TJP1: variants seen among roughly 807,000 people sequenced by gnomAD.
TJP1 encodes the protein tight junction protein ZO-1.
TJP1 carries 43 observed loss-of-function variants against 194.2 expected under a neutral mutation model. The observed-to-expected ratio is 0.22, with a 90% CI of 0.17 to 0.29. The LOEUF is 0.29. Among genes scored for constraint, TJP1 ranks in the 10% least tolerant of loss-of-function variants. TJP1 has a pLI of 1.00. For synonymous variants in TJP1, 801 were observed against 779.0 expected (o/e 1.03, Z -0.47); for missense variants, 1,971 against 2,185.7 (o/e 0.90, Z 1.96).
At chr15:29,748,953 TGC>T (rs935676407) in intron 8 of TJP1, among the ~76,000 whole-genome samples, 362 of 32,294 alleles carry the variant, frequency 0.011, 4 homozygotes, top group African/African-American at 0.022. Flanking sequence ...TGTGTGTGTG[TGC>T]GCGTGTGTGC....
intron 2 of TJP1, among the ~76,000 whole-genome samples, chr15:29,882,869 C>T (rs888022066): frequency 1.3e-5 from 2 of 152,160 alleles, no homozygotes; most frequent in Admixed American, 6.5e-5. Context: ...TTGGCCACAG[C>T]GATGGCTTCC....
At chr15:29,865,700 G>A (rs562553315) in intron 2 of TJP1, among the ~76,000 whole-genome samples, 76 of 152,196 alleles carry the variant, frequency 5.0e-4, no homozygotes, top group Non-Finnish European at 1.0e-3. Context: ...AGATGGACAT[G>A]CACCGAGCAA....
At chr15:29,819,038 G>C (rs1339264279) in intron 1 of TJP1, among the ~76,000 whole-genome samples, 1 of 152,134 alleles carries the variant, frequency 6.6e-6, no homozygotes, top group Admixed American at 6.5e-5. Flanking sequence ...GGCTGGCCTC[G>C]AACTCCTGAC....
chr15:29,941,155 T>G (rs759702182), intron 2 of TJP1, among the ~76,000 whole-genome samples: 5 of 152,210 alleles, frequency 3.3e-5, no homozygotes, highest in Non-Finnish European at 5.9e-5. Context: ...AATGACCTCC[T>G]ACGACCGCAG....
At chr15:29,949,595 A>C in intron 2 of TJP1, among the ~76,000 whole-genome samples, 1 of 83,318 alleles carries the variant, frequency 1.2e-5, no homozygotes, top group African/African-American at 4.2e-5. Flanking sequence ...CACCTCCACA[A>C]CCACCACCTC....
intron 1 of TJP1, chr15:29,820,463 G>A (rs2050253879): frequency 4.2e-6 from 3 of 712,444 alleles, no homozygotes; most frequent in African/African-American, 3.5e-5. Flanking sequence ...TATTTAACGA[G>A]TGATGCTTTT....
chr15:29,903,724 G>A (rs556473089), intron 2 of TJP1, among the ~76,000 whole-genome samples: 8 of 152,252 alleles, frequency 5.3e-5, no homozygotes, highest in African/African-American at 4.8e-5. Flanking sequence ...GATTACAGGC[G>A]TGAGCTACCA....
chr15:29,936,273 G>A (rs2054879556), intron 2 of TJP1, among the ~76,000 whole-genome samples: 1 of 152,078 alleles, frequency 6.6e-6, no homozygotes, highest in African/African-American at 2.4e-5. Flanking sequence ...AATGGCACAT[G>A]TTAAAAATTA....
chr15:29,759,071 C>T (rs45544431), intron 8 of TJP1: 2 of 152,330 alleles, frequency 1.3e-5, no homozygotes, highest in East Asian at 1.9e-4. Context: ...ACCACTGTCA[C>T]TGCGGTTTTT....
chr15:29,878,614 C>T (rs2052802645), intron 2 of TJP1, among the ~76,000 whole-genome samples: 1 of 152,028 alleles, frequency 6.6e-6, no homozygotes, highest in Non-Finnish European at 1.5e-5. Flanking sequence ...AAAGGAGCCT[C>T]CGGAAGCCCA....
intron 2 of TJP1, among the ~76,000 whole-genome samples, chr15:29,906,826 C>G (rs1039962124): frequency 1.3e-5 from 2 of 151,886 alleles, no homozygotes; most frequent in African/African-American, 4.8e-5. Context: ...GTGATCTGCC[C>G]TTCTCAGTCT....
intron 8 of TJP1, chr15:29,760,193 T>C (rs1262545888): frequency 4.3e-6 from 3 of 702,110 alleles, no homozygotes; most frequent in East Asian, 5.4e-5. Context: ...TGGTGGCCTA[T>C]AGAGCCTTGG....
At chr15:29,963,784 GCTGGGACTA>G (rs1174145308) in intron 1 of TJP1, among the ~76,000 whole-genome samples, 2 of 152,158 alleles carry the variant, frequency 1.3e-5, no homozygotes, top group African/African-American at 4.8e-5. Context: ...CTCCCGAGCA[GCTGGGACTA>G]CAGGTACGCG....
At chr15:29,853,955 C>T (rs968711972) in intron 2 of TJP1, among the ~76,000 whole-genome samples, 2 of 152,040 alleles carry the variant, frequency 1.3e-5, no homozygotes, top group African/African-American at 4.8e-5. Flanking sequence ...AGCAGATAGT[C>T]GCTATACTTT....
At chr15:29,760,300 C>A (rs925825443) in intron 8 of TJP1, 1 of 701,198 alleles carries the variant, frequency 1.4e-6, no homozygotes, top group African/African-American at 1.7e-5. Context: ...CTCAAATGTA[C>A]GTGTGACTCT....
At chr15:29,833,881 A>ATATATATATTTCTTTTTTTTTTTTTT (rs1555434000) in intron 2 of TJP1, among the ~76,000 whole-genome samples, 1 of 12,618 alleles carries the variant, frequency 7.9e-5, no homozygotes, top group Non-Finnish European at 1.4e-4. Context: ...ATATATATAT[A>ATATATATATTTCTTTTTTTTTTTTTT]TTTTTTTTTT....
At chr15:29,949,628 ACC>A (rs2055533690) in intron 2 of TJP1, among the ~76,000 whole-genome samples, 3 of 113,120 alleles carry the variant, frequency 2.7e-5, no homozygotes, top group East Asian at 3.8e-4. Context: ...CACCACCTCC[ACC>A]TCCACCACCT....
chr15:29,741,809 G>A (rs1047723040), intron 9 of TJP1, among the ~76,000 whole-genome samples: 11 of 152,170 alleles, frequency 7.2e-5, no homozygotes, highest in African/African-American at 2.7e-4. Context: ...TCAGCAAGCA[G>A]AGCAAGAAAG....
intron 18 of TJP1, among the ~76,000 whole-genome samples, chr15:29,723,662 A>T (rs2043070062): frequency 6.6e-6 from 1 of 152,250 alleles, no homozygotes; most frequent in Middle Eastern, 3.2e-3. Flanking sequence ...TTGCTACATT[A>T]AGAAGAAATT....
Sources: allele counts gnomAD v4.1 joint callset (sites outside exome capture counted in the v4.1 genomes callset), GRCh38; gene constraint gnomAD v4.1.1; transcripts MANE v1.5; gene names NCBI Gene and HGNC (gene_info 2026-07-23, HGNC 2026-07-21).